DIP2C: variants seen among roughly 807,000 people sequenced by gnomAD.
DIP2C encodes disco-interacting protein 2 homolog C.
A neutral mutation model predicts 192.4 loss-of-function variants in DIP2C; 33 were observed. The ratio of observed to expected loss-of-function variants is 0.17; its 90% confidence interval spans 0.13 to 0.23. The LOEUF (loss-of-function observed/expected upper bound fraction) is 0.23. DIP2C is among the 10% of genes least tolerant of loss of function. DIP2C has a pLI of 1.00. For synonymous variants in DIP2C, 979 were observed against 864.1 expected (o/e 1.13, Z -2.33); for missense variants, 1,537 against 2,110.1 (o/e 0.73, Z 5.32).
chr10:356,609 C>T lies in DIP2C; in HGVS notation c.2905-103G>A, dbSNP rs548930252. The T allele has an allele frequency of 1.2e-4, 115 of 927,626 alleles. 1 individual carries two copies. The East Asian group carries it at 2.8e-3, about 23-fold the overall frequency. 57.5% of individuals were successfully genotyped at this position (927,626 alleles called of 1,614,324 possible). A position where few individuals can be genotyped will look rare whatever the true frequency, so the allele number is the denominator to read the frequency against. ...TACTCAAACCCATAGAGGCTGAGTG[C>T]TTTGGGTCTTAAAACCGCATGCTTC... On this transcript the variant is annotated intron_variant, in intron 23 of 36. Coordinates refer to ENST00000280886, the MANE Select transcript of DIP2C (RefSeq NM_014974.3).
chr10:451,172 C>T (rs1968815629), intron 3 of DIP2C, among the ~76,000 whole-genome samples: 1 of 152,180 alleles, frequency 6.6e-6, no homozygotes, highest in Admixed American at 6.5e-5. Context: ...CGTACGTACA[C>T]CTGGTATAGA....
intron 1 of DIP2C, among the ~76,000 whole-genome samples, chr10:496,881 A>G (rs1844875035): frequency 6.6e-6 from 1 of 152,192 alleles, no homozygotes; most frequent in Non-Finnish European, 1.5e-5. Context: ...TCCCAGCACT[A>G]TGGAAGGCCG....
chr10:568,890 T>C (rs1157508479), intron 1 of DIP2C, among the ~76,000 whole-genome samples: 1 of 142,790 alleles, frequency 7.0e-6, no homozygotes, highest in Non-Finnish European at 1.5e-5. Flanking sequence ...CGTTCAAGAG[T>C]AACAAAATCA....
chr10:530,148 T>C (rs1239040802), intron 1 of DIP2C, among the ~76,000 whole-genome samples: 1 of 152,210 alleles, frequency 6.6e-6, no homozygotes, highest in Non-Finnish European at 1.5e-5. Flanking sequence ...AGCCGGGCTT[T>C]ATTCCACAGG....
chr10:543,172 G>A (rs549438233), intron 1 of DIP2C, among the ~76,000 whole-genome samples: 12 of 152,192 alleles, frequency 7.9e-5, no homozygotes, highest in Non-Finnish European at 1.6e-4. Flanking sequence ...CGCAAGGATC[G>A]TGTTCCTGAA....
intron 29 of DIP2C, among the ~76,000 whole-genome samples, chr10:331,285 C>T (rs1004530411): frequency 1.1e-4 from 16 of 152,108 alleles, no homozygotes; most frequent in Admixed American, 3.3e-4. Context: ...GTTAGGTTGG[C>T]TAACAAAATT....
chr10:484,520 G>C (rs1349286762), intron 2 of DIP2C, among the ~76,000 whole-genome samples: 2 of 152,186 alleles, frequency 1.3e-5, no homozygotes, highest in Non-Finnish European at 2.9e-5. Context: ...TGTTTTCTAA[G>C]TGGTGCCCAA....
intron 3 of DIP2C, among the ~76,000 whole-genome samples, chr10:456,822 G>A (rs539744350): frequency 3.4e-4 from 52 of 152,306 alleles, no homozygotes; most frequent in Admixed American, 2.0e-3. Flanking sequence ...CAAAAGCAGA[G>A]GTGTGGAGAG....
At chr10:495,521 T>C (rs944870391) in intron 1 of DIP2C, among the ~76,000 whole-genome samples, 1 of 151,832 alleles carries the variant, frequency 6.6e-6, no homozygotes, top group South Asian at 2.1e-4. Context: ...TTTTGAATGT[T>C]GGTTTGTGTG....
intron 10 of DIP2C, among the ~76,000 whole-genome samples, chr10:394,328 G>A (rs1963767343): frequency 1.3e-5 from 2 of 151,902 alleles, no homozygotes; most frequent in South Asian, 4.2e-4. Flanking sequence ...CCTGCTCTGT[G>A]CTGAACTGGA....
chr10:478,976 G>T (rs546371260), intron 2 of DIP2C, among the ~76,000 whole-genome samples: 1 of 152,142 alleles, frequency 6.6e-6, no homozygotes, highest in Non-Finnish European at 1.5e-5. Context: ...AGGGGCAAGC[G>T]CTCTGGGCTC....
chr10:654,461 A>C (rs997384775), intron 1 of DIP2C, among the ~76,000 whole-genome samples: 28 of 152,210 alleles, frequency 1.8e-4, no homozygotes, highest in Admixed American at 2.0e-4. Flanking sequence ...CAGTATTTAT[A>C]GCGTGGAGGG....
chr10:590,943 T>G (rs1012125356), intron 1 of DIP2C, among the ~76,000 whole-genome samples: 1 of 152,152 alleles, frequency 6.6e-6, no homozygotes, highest in Non-Finnish European at 1.5e-5. Flanking sequence ...GCCTCCAGTC[T>G]GTCCCCCACC....
chr10:689,362 G>C lies in DIP2C; in HGVS notation c.85+132C>G, dbSNP rs1251717639. The C allele has an allele frequency of 2.6e-6, 1 of 385,936 alleles. No homozygotes were observed. The highest frequency in any genetic ancestry group is 3.6e-6 in the Non-Finnish European group (1 of 280,256). 23.9% of individuals were successfully genotyped at this position (385,936 alleles called of 1,614,324 possible). A position where few individuals can be genotyped will look rare whatever the true frequency, so the allele number is the denominator to read the frequency against. ...GTCTGGGGGTCCGGGGGACGCGCAC[G>C]CTCCGGGCTGGGGTCGCACCTCCCC... is the stretch of plus-strand genomic sequence containing the variant. On this transcript the variant is annotated intron_variant, in intron 1 of 36. Transcript: ENST00000280886. This position sits in a 1 kb window ranked among gnomAD's most constrained non-coding sequence, Gnocchi z 6.1.
chr10:430,457 T>TA (rs1421202119), intron 4 of DIP2C: 1 of 152,218 alleles, frequency 6.6e-6, no homozygotes, highest in African/African-American at 2.4e-5. Context: ...CCTCCCGCCT[T>TA]AGCCTCCTGA....
chr10:405,085 T>G (rs1050745965), intron 9 of DIP2C, among the ~76,000 whole-genome samples: 1 of 152,248 alleles, frequency 6.6e-6, no homozygotes, highest in African/African-American at 2.4e-5. Flanking sequence ...CACCCATTCA[T>G]GAGAACATGT....
In DIP2C at chr10:408,927, C is replaced by T; in HGVS notation, c.1148G>A (p.Arg383Lys). ...TCCAGCAGTTTAAGTTGCACTTACC[C>T]TATCTCCAGGCCGGACCATGGGTTC... ...KQEPMVRPGD[R>K]VALVFPNNDP... Residue 383 changes from arginine to lysine, a missense_variant and splice_region_variant, in exon 9 of 37, where the codon AGG becomes AAG. By Grantham distance (26) the Arg-to-Lys change is conservative. Coordinates refer to ENST00000280886, the MANE Select transcript of DIP2C (RefSeq NM_014974.3). 6.2e-7 allele frequency: 1 copy of T among 1,614,082 alleles called. No individual in the cohort carries two copies. Among genetic ancestry groups the T allele is most frequent in the Non-Finnish European group, 8.5e-7 (1 of 1,179,978 alleles).
intron 32 of DIP2C, among the ~76,000 whole-genome samples, chr10:309,245 T>G (rs1193277275): frequency 6.6e-6 from 1 of 152,084 alleles, no homozygotes; most frequent in Non-Finnish European, 1.5e-5. Context: ...CTCATCCTGC[T>G]CAACCCCATG....
chr10:301,610 C>G (rs1956051238), intron 32 of DIP2C, among the ~76,000 whole-genome samples: 1 of 152,226 alleles, frequency 6.6e-6, no homozygotes, highest in Admixed American at 6.5e-5. Flanking sequence ...GACACAGTCT[C>G]TCTGGGATAT....
Sources: allele counts gnomAD v4.1 joint callset (sites outside exome capture counted in the v4.1 genomes callset), GRCh38; gene constraint gnomAD v4.1.1; non-coding constraint Gnocchi (gnomAD v3.1); transcripts MANE v1.5; gene names NCBI Gene and HGNC (gene_info 2026-07-23, HGNC 2026-07-21).